The following ZGRF1 variants were observed in gnomAD, a reference collection of about 807,000 sequenced individuals.
The protein encoded by ZGRF1 is zinc finger GRF-type containing 1, also known as 5'-3' DNA helicase ZGRF1.
A neutral mutation model predicts 203.5 loss-of-function variants in ZGRF1; 196 were observed. The ratio of observed to expected loss-of-function variants is 0.96; its 90% CI spans 0.86 to 1.08. The LOEUF is 1.08. Ranked by LOEUF, ZGRF1 falls within the 50% of genes least tolerant of loss-of-function variation. The pLI is 0.00. For missense variants in ZGRF1, 2,326 were observed against 2,416.3 expected, an observed-to-expected ratio of 0.96 and a Z score of 0.78; for synonymous variants, 809 against 841.3, an observed-to-expected ratio of 0.96 and a Z score of 0.66.
Position 112,553,903 on chromosome 4 carries a change from C to G in ZGRF1, c.5278G>C (p.Glu1760Gln). The G allele has an allele frequency of 1.9e-6, 3 of 1,613,684 alleles. No individual in the cohort carries two copies. The highest frequency in any genetic ancestry group is 2.5e-6 in the Non-Finnish European group (3 of 1,179,750). Residue 1760 changes from glutamate to glutamine, a missense_variant, in exon 22 of 28, where the codon GAA (glutamate) becomes CAA (glutamine). Glu to Gln is a conservative substitution (Grantham distance 29). Transcript: ENST00000505019. ...ATGCTTTTTCTCACATAGACTCTTTCCGTAGGAGTCAGGTCTTCTTTCATT... is the reference window on the plus strand; with the variant it reads ...ATGCTTTTTCTCACATAGACTCTTTGCGTAGGAGTCAGGTCTTCTTTCATT... ...ALMKEDLTPT[E>Q]RVYVRKSIEQ... is the part of the protein sequence containing the mutation.
intron 4 of ZGRF1, among the ~76,000 whole-genome samples, chr4:112,621,254 A>G (rs2047050280): frequency 6.6e-6 from 1 of 152,188 alleles, no homozygotes; most frequent in African/African-American, 2.4e-5. Flanking sequence ...CAAATTAAAC[A>G]TTATTATAAA....
chr4:112,573,746 C>T (rs1744643434), intron 16 of ZGRF1, among the ~76,000 whole-genome samples: 1 of 151,780 alleles, frequency 6.6e-6, no homozygotes, highest in Non-Finnish European at 1.5e-5. Flanking sequence ...TCTAAAGACA[C>T]CTTAAAGTAA....
At chr4:112,591,753 C>T (rs1748198220) in intron 10 of ZGRF1, among the ~76,000 whole-genome samples, 1 of 152,146 alleles carries the variant, frequency 6.6e-6, no homozygotes, top group African/African-American at 2.4e-5. Flanking sequence ...ATCTCGACTC[C>T]AGTGTCATCT....
chr4:112,587,265 G>A lies in ZGRF1; in HGVS notation c.3777+15C>T, dbSNP rs770757042. ...TATTGGAAAAATGCACCACAAGACC[G>A]GTACATTTCCTCACCTGTAAATCCT... On this transcript the variant is annotated intron_variant, in intron 12 of 27. Transcript: ENST00000505019. 35 of 1,579,506 alleles carry A rather than the reference G, an allele frequency of 2.2e-5. No individual in the cohort carries two copies. Among genetic ancestry groups the A allele is most frequent in the East Asian group, 4.5e-5 (2 of 44,536 alleles).
chr4:112,539,524 C>A lies in ZGRF1; in HGVS notation c.*23G>T. 8.7e-7 allele frequency: 1 copy of A among 1,146,036 alleles called. No individual in the cohort carries two copies. Among genetic ancestry groups the A allele is most frequent in the Non-Finnish European group, 1.3e-6 (1 of 797,106 alleles). 71.0% of individuals were successfully genotyped at this position (1,146,036 alleles called of 1,614,324 possible). A position where few individuals can be genotyped will look rare whatever the true frequency, so the allele number is the denominator to read the frequency against. On this transcript the variant is annotated 3_prime_UTR_variant, in exon 28 of 28. Coordinates refer to ENST00000505019, the MANE Select transcript of ZGRF1 (RefSeq NM_018392.5). ...AAATGAGTCTGAATTTACATAAATA[C>A]AAAATATTTACACCATGTCTTTTTA...
chr4:112,576,588 C>T (rs1236601197), intron 16 of ZGRF1, among the ~76,000 whole-genome samples: 1 of 152,076 alleles, frequency 6.6e-6, no homozygotes, highest in Non-Finnish European at 1.5e-5. Flanking sequence ...CTTAAAGGAC[C>T]TGATGGAGCT....
chr4:112,540,452 A>G (rs1490955552), intron 26 of ZGRF1, among the ~76,000 whole-genome samples: 2 of 152,200 alleles, frequency 1.3e-5, no homozygotes, highest in African/African-American at 4.8e-5. Context: ...GTGTACATTA[A>G]TATTTGGTAT....
chr4:112,568,948 G>A (rs536781295), intron 16 of ZGRF1, among the ~76,000 whole-genome samples: 19 of 152,148 alleles, frequency 1.2e-4, no homozygotes, highest in Admixed American at 9.2e-4. Flanking sequence ...TTCAGGAGGC[G>A]GAGGTTGCAG....
At chr4:112,558,378 TC>T in intron 19 of ZGRF1, 69 bp from the exon 20 acceptor site, 1 of 1,304,790 alleles carries the variant, frequency 7.7e-7, no homozygotes, top group Non-Finnish European at 1.0e-6. Context: ...CTTTTCTTTT[TC>T]TTGAGACAGA....
chr4:112,550,306 G>A (rs1345097213), intron 22 of ZGRF1, among the ~76,000 whole-genome samples: 1 of 150,804 alleles, frequency 6.6e-6, no homozygotes, highest in Non-Finnish European at 1.5e-5. Context: ...TTGTATCTTA[G>A]TTTTCAACAA....
chr4:112,540,971 G>A lies in ZGRF1; in HGVS notation c.5776-16C>T. ...CTCTTTCTATCTGGAGTAAGAAATA[G>A]ATCCTAAATTATATTTCCCAGAAAG... On this transcript the variant is annotated splice_polypyrimidine_tract_variant and intron_variant, in intron 25 of 27. Transcript: ENST00000505019. 6.4e-7 allele frequency: 1 copy of A among 1,559,308 alleles called. No individual in the cohort carries two copies. Among genetic ancestry groups the A allele is most frequent in the Non-Finnish European group, 8.7e-7 (1 of 1,149,894 alleles).
rs1741305488 is a variant in ZGRF1 at position 112,558,209 on chromosome 4, C to A, written c.5061G>T (p.Arg1687Ser). 3 of 1,608,418 alleles carry A rather than the reference C, an allele frequency of 1.9e-6. No individual in the cohort carries two copies. The highest frequency in any genetic ancestry group is 2.7e-5 in the African/African-American group (2 of 74,506). The change falls in exon 20 of 28, where the codon AGG (arginine) becomes AGT (serine). Residue 1687 changes from arginine to serine, a missense_variant. Physicochemically the swap from Arg to Ser is moderately radical, Grantham distance 110. Coordinates refer to ENST00000505019, the MANE Select transcript of ZGRF1 (RefSeq NM_018392.5). ...AAGAAGAAATCAGAAGTTTCCACGG[C>A]CTTGCATTTCCAATGGTGGGAGCTT... ...KSEAPTIGNA[R>S]PWKLLISSST...
At chr4:112,626,960 C>T (rs1446955185) in intron 3 of ZGRF1, among the ~76,000 whole-genome samples, 1 of 152,112 alleles carries the variant, frequency 6.6e-6, no homozygotes, top group Non-Finnish European at 1.5e-5. Context: ...CACCCGCCAC[C>T]ATGCCTGGCT....
chr4:112,592,260 G>A (rs1440417625), intron 10 of ZGRF1, among the ~76,000 whole-genome samples: 5 of 151,870 alleles, frequency 3.3e-5, no homozygotes, highest in African/African-American at 9.7e-5. Context: ...ACCACCCCAG[G>A]CTAATTTTTG....
At chr4:112,593,940 A>C (rs1748579840) in intron 10 of ZGRF1, among the ~76,000 whole-genome samples, 1 of 151,542 alleles carries the variant, frequency 6.6e-6, no homozygotes, top group Non-Finnish European at 1.5e-5. Context: ...ATTTTTAGAG[A>C]TGGGGATTCC....
At chr4:112,599,996 C>T (rs1749680528) in intron 10 of ZGRF1, among the ~76,000 whole-genome samples, 1 of 152,042 alleles carries the variant, frequency 6.6e-6, no homozygotes. Flanking sequence ...ATTAATAAAG[C>T]TTGTACAAGA....
chr4:112,587,693 A>C lies in ZGRF1; in HGVS notation c.3364T>G (p.Phe1122Val). ...ACTTCCCTAGATTCTTCAGAGAAAA[A>C]GGTTTCATTTTGGTCCTCAGGCTCA... ...SIEPEDQNET[F>V]FSEESREVNP... is the part of the protein sequence containing the mutation. Residue 1122 changes from phenylalanine (F) to valine (V), a missense_variant, in exon 12 of 28, where the codon TTT (phenylalanine) becomes GTT (valine). By Grantham distance (50) the Phe-to-Val change is conservative. Coordinates refer to ENST00000505019, the MANE Select transcript of ZGRF1 (RefSeq NM_018392.5). The C allele has an allele frequency of 6.2e-7, 1 of 1,608,782 alleles. No individual in the cohort carries two copies. Among genetic ancestry groups the C allele is most frequent in the Non-Finnish European group, 8.5e-7 (1 of 1,177,044 alleles).
At chr4:112,586,675 T>A in intron 12 of ZGRF1, 92 bp from the exon 13 acceptor site, 5 of 1,010,132 alleles carry the variant, frequency 4.9e-6, no homozygotes, top group Non-Finnish European at 2.7e-6. Flanking sequence ...TTTTTAAAAA[T>A]ATTAATTTTT....
intron 6 of ZGRF1, among the ~76,000 whole-genome samples, chr4:112,615,162 T>C (rs2046824681): frequency 6.6e-6 from 1 of 152,156 alleles, no homozygotes; most frequent in African/African-American, 2.4e-5. Context: ...ACAGAACTAC[T>C]GCAAATAATC....
Sources: gnomAD v4.1 joint callset for allele counts (sites outside exome capture counted in the v4.1 genomes callset) on GRCh38, gnomAD v4.1.1 for gene constraint, MANE v1.5 for transcripts, NCBI Gene and HGNC (gene_info 2026-07-23, HGNC 2026-07-21) for gene names.